The following CADPS2 variants were observed in gnomAD, a reference collection of about 807,000 sequenced individuals.
The protein encoded by CADPS2 is calcium-dependent secretion activator 2.
Under a neutral mutation model 172.5 loss-of-function variants are expected in CADPS2, and 93 were observed. That is an observed-to-expected ratio of 0.54 (90% CI 0.46 to 0.64). The LOEUF is 0.64. Among genes scored for constraint, CADPS2 ranks in the 30% least tolerant of loss-of-function variants. The pLI, the probability that CADPS2 is intolerant of heterozygous loss-of-function variation, is 0.00. For synonymous variants in CADPS2, 546 were observed against 555.2 expected (o/e 0.98, Z 0.23); for missense variants, 1,420 against 1,565.9 (o/e 0.91, Z 1.57).
intron 2 of CADPS2, among the ~76,000 whole-genome samples, chr7:122,726,645 C>G (rs1478383384): frequency 6.6e-6 from 1 of 151,458 alleles, no homozygotes; most frequent in African/African-American, 2.4e-5. Context: ...AACATTTGAG[C>G]AAACATAAAA....
At chr7:122,861,123 G>A (rs1200523620) in intron 1 of CADPS2, among the ~76,000 whole-genome samples, 5 of 152,140 alleles carry the variant, frequency 3.3e-5, no homozygotes, top group African/African-American at 9.7e-5. Flanking sequence ...ATACCCAGTA[G>A]TTGATTATTG....
rs1249921242 is a variant in CADPS2, at chr7:122,672,376, C to T, written c.454-8807G>A. 5.9e-5 allele frequency among the ~76,000 whole-genome samples: 9 copies of T among 152,238 alleles called. No homozygotes were observed. The South Asian group carries it at 1.9e-3, about 32-fold the overall frequency. ...CTCAGTGAAATTCTGCCTGGAGTAC[C>T]AGCAGGGCACCATGCTGGTGTCGAA... On this transcript the variant is annotated intron_variant, in intron 2 of 29. Transcript: ENST00000449022.
chr7:122,396,511 T>C (rs1032456000), intron 20 of CADPS2, among the ~76,000 whole-genome samples: 1 of 152,170 alleles, frequency 6.6e-6, no homozygotes, highest in Non-Finnish European at 1.5e-5. Flanking sequence ...TTATAATCCT[T>C]TAGTGGATCA....
intron 1 of CADPS2, among the ~76,000 whole-genome samples, chr7:122,819,989 T>A (rs1294909970): frequency 6.6e-6 from 1 of 152,158 alleles, no homozygotes; most frequent in Non-Finnish European, 1.5e-5. Flanking sequence ...ATAAAGCCTA[T>A]AAACTCTCCT....
chr7:122,666,047 A>T (rs1407708697), intron 2 of CADPS2, among the ~76,000 whole-genome samples: 2 of 151,878 alleles, frequency 1.3e-5, no homozygotes, highest in African/African-American at 2.4e-5. Context: ...TCATCTAATC[A>T]CTCATTGAGC....
intron 28 of CADPS2, among the ~76,000 whole-genome samples, chr7:122,334,242 T>C (rs572716030): frequency 1.3e-5 from 2 of 152,258 alleles, no homozygotes; most frequent in African/African-American, 2.4e-5. Flanking sequence ...ATGCTAACAC[T>C]ATGAGTTCAG....
chr7:122,515,217 T>G (rs1205339941), intron 8 of CADPS2, among the ~76,000 whole-genome samples: 1 of 152,168 alleles, frequency 6.6e-6, no homozygotes, highest in Non-Finnish European at 1.5e-5. Flanking sequence ...TTATCTGTGC[T>G]TGTGGATGGA....
chr7:122,362,074 GAAAAAC>G (rs1188912179), intron 25 of CADPS2, among the ~76,000 whole-genome samples: 2 of 151,170 alleles, frequency 1.3e-5, no homozygotes. Flanking sequence ...CCTTAAAAAA[GAAAAAC>G]AAAAACAAAA....
intron 1 of CADPS2, among the ~76,000 whole-genome samples, chr7:122,767,185 C>T (rs1183115697): frequency 6.6e-6 from 1 of 152,048 alleles, no homozygotes; most frequent in Non-Finnish European, 1.5e-5. Context: ...TTAATATTTT[C>T]CCCTACATAG....
chr7:122,527,649 T>TGTGTGC (rs1336711258), intron 8 of CADPS2, among the ~76,000 whole-genome samples: 5 of 144,270 alleles, frequency 3.5e-5, no homozygotes, highest in African/African-American at 1.4e-4. Context: ...TGTGTGTGTG[T>TGTGTGC]GTGTTTCCTG....
chr7:122,652,240 T>C (rs780403555), intron 3 of CADPS2, among the ~76,000 whole-genome samples: 4 of 152,180 alleles, frequency 2.6e-5, no homozygotes, highest in Non-Finnish European at 4.4e-5. Flanking sequence ...GAAAACTCTC[T>C]CTCTCTCTCT....
chr7:122,719,810 TG>T (rs1382899991), intron 2 of CADPS2, among the ~76,000 whole-genome samples: 1 of 151,726 alleles, frequency 6.6e-6, no homozygotes, highest in African/African-American at 2.4e-5. Context: ...AAATCATGAC[TG>T]AAAAAAAGGA....
chr7:122,880,580 A>G (rs187131482), intron 1 of CADPS2, among the ~76,000 whole-genome samples: 1 of 152,262 alleles, frequency 6.6e-6, no homozygotes, highest in Admixed American at 6.5e-5. Flanking sequence ...TCTCTTTAGA[A>G]CAGCGGTTCT....
At chr7:122,746,634 C>G in intron 1 of CADPS2, among the ~76,000 whole-genome samples, 1 of 151,150 alleles carries the variant, frequency 6.6e-6, no homozygotes, top group East Asian at 2.0e-4. Context: ...CACAGACACA[C>G]ACACACAGAC....
chr7:122,537,977 T>C (rs2062483775), intron 8 of CADPS2, among the ~76,000 whole-genome samples: 1 of 151,534 alleles, frequency 6.6e-6, no homozygotes, highest in Admixed American at 6.6e-5. Context: ...TAACATAAAA[T>C]GCAAAAATTT....
At chr7:122,841,653 G>C (rs1380644300) in intron 1 of CADPS2, among the ~76,000 whole-genome samples, 5 of 152,064 alleles carry the variant, frequency 3.3e-5, no homozygotes, top group African/African-American at 7.2e-5. Flanking sequence ...AAAAAGAGAA[G>C]ATCCAAAGAT....
chr7:122,569,612 C>T (rs1292753846), intron 7 of CADPS2, among the ~76,000 whole-genome samples: 14 of 126,330 alleles, frequency 1.1e-4, no homozygotes, highest in South Asian at 2.4e-4. Flanking sequence ...GGAGGCATCA[C>T]ACTACCTGAC....
intron 1 of CADPS2, among the ~76,000 whole-genome samples, chr7:122,812,962 C>T (rs540423104): frequency 1.6e-4 from 25 of 152,212 alleles, no homozygotes; most frequent in Admixed American, 1.3e-3. Flanking sequence ...GGCTGTTTGC[C>T]AATTGGGCCT....
chr7:122,821,014 T>C (rs1309567107), intron 1 of CADPS2, among the ~76,000 whole-genome samples: 2 of 151,994 alleles, frequency 1.3e-5, no homozygotes, highest in Non-Finnish European at 2.9e-5. Flanking sequence ...ACCTGACGCA[T>C]ATACTTTCTG....
Sources: allele counts gnomAD v4.1 joint callset (sites outside exome capture counted in the v4.1 genomes callset), GRCh38; gene constraint gnomAD v4.1.1; transcripts MANE v1.5; gene names NCBI Gene and HGNC (gene_info 2026-07-23, HGNC 2026-07-21).